Variants in USP32 observed in about 807,000 individuals in gnomAD.
The protein encoded by USP32 is ubiquitin specific peptidase 32.
Under a neutral mutation model 204.8 loss-of-function variants are expected in USP32, and 59 were observed. The ratio of observed to expected loss-of-function variants is 0.29; its 90% CI spans 0.23 to 0.36. The LOEUF is 0.36. Ranked by LOEUF, USP32 falls within the 10% of genes least tolerant of loss-of-function variation. The pLI is 1.00. For synonymous variants in USP32, 517 were observed against 678.4 expected, an observed-to-expected ratio of 0.76 and a Z score of 3.70; for missense variants, 1,160 against 1,946.4, an observed-to-expected ratio of 0.60 and a Z score of 7.60.
chr17:60,198,197 T>G, intron 27 of USP32, 63 bp downstream of exon 27: 1 of 1,572,600 alleles, frequency 6.4e-7, no homozygotes, highest in Non-Finnish European at 8.6e-7. Flanking sequence ...TCATGTAGAA[T>G]TCATATAGAT....
At chr17:60,292,831 A>G (rs1191020002) in intron 4 of USP32, among the ~76,000 whole-genome samples, 1 of 151,822 alleles carries the variant, frequency 6.6e-6, no homozygotes, top group Non-Finnish European at 1.5e-5. Context: ...AAAACCTTCC[A>G]GTGGTTTCTA....
chr17:60,285,071 T>C (rs1415274307), intron 5 of USP32, among the ~76,000 whole-genome samples: 1 of 152,170 alleles, frequency 6.6e-6, no homozygotes, highest in South Asian at 2.1e-4. Flanking sequence ...TTAACAAATA[T>C]CAGAATAATT....
chr17:60,192,715 G>A (rs1326582215), intron 28 of USP32, 129 bp downstream of exon 28: 14 of 1,195,692 alleles, frequency 1.2e-5, no homozygotes, highest in South Asian at 4.4e-5. Flanking sequence ...GTGAGCCACC[G>A]TGCCCAGCCA....
At chr17:60,284,290 T>G (rs1188429476) in intron 5 of USP32, among the ~76,000 whole-genome samples, 3 of 151,200 alleles carry the variant, frequency 2.0e-5, no homozygotes, top group Admixed American at 1.3e-4. Context: ...CTTGGCTCAC[T>G]GCAACCCCCG....
chr17:60,201,240 A>G (rs2145454601), intron 26 of USP32, among the ~76,000 whole-genome samples: 1 of 152,132 alleles, frequency 6.6e-6, no homozygotes, highest in South Asian at 2.1e-4. Context: ...AAATCCATTC[A>G]TTTTCATTCC....
chr17:60,377,937 T>C (rs2089578914), intron 1 of USP32, among the ~76,000 whole-genome samples: 1 of 152,170 alleles, frequency 6.6e-6, no homozygotes, highest in Non-Finnish European at 1.5e-5. Flanking sequence ...TTAAAAACTT[T>C]TGGGCATTAA....
intron 9 of USP32, among the ~76,000 whole-genome samples, chr17:60,263,558 A>C (rs2086509482): frequency 6.6e-6 from 1 of 152,268 alleles, no homozygotes; most frequent in Non-Finnish European, 1.5e-5. Context: ...TGTTCACAGA[A>C]GAGCCAGAAG....
rs375513472 is a variant in USP32, at chr17:60,185,709, T to C, written c.3643-58A>G. ...CGTGGGAAGGCATTTAAAGTGGTGATCTAGGTATGCATCAACCTCTTGGTC... is the reference window on the plus strand; with the variant it reads ...CGTGGGAAGGCATTTAAAGTGGTGACCTAGGTATGCATCAACCTCTTGGTC... On this transcript the variant is annotated intron_variant, in intron 29 of 33. Transcript: ENST00000300896. The C allele has an allele frequency of 2.4e-4, 372 of 1,560,438 alleles. 1 individual carries two copies. In the African/African-American group the frequency reaches 4.5e-3, roughly 19 times the overall value.
chr17:60,421,210 G>T (rs1198610161), intron 1 of USP32: 2 of 268,168 alleles, frequency 7.5e-6, no homozygotes, highest in Non-Finnish European at 1.1e-5. Flanking sequence ...CTTCCATCTT[G>T]GAGGCGGATA....
Position 60,181,319 on chromosome 17 carries a change from C to T in USP32, c.4548+5G>A. The T allele has an allele frequency of 1.2e-6, 2 of 1,604,898 alleles. No individual in the cohort carries two copies. Among genetic ancestry groups the T allele is most frequent in the South Asian group, 1.1e-5 (1 of 90,510 alleles). On this transcript the variant is annotated splice_donor_5th_base_variant and intron_variant, in intron 32 of 33. Coordinates refer to ENST00000300896, the MANE Select transcript of USP32 (RefSeq NM_032582.4). ...TCTCTGAAAACCATATAATAAACCA[C>T]TTACCGAAATTGCATATAGATTATA...
chr17:60,191,548 C>G (rs940247046), intron 28 of USP32, among the ~76,000 whole-genome samples: 3 of 150,944 alleles, frequency 2.0e-5, no homozygotes, highest in East Asian at 3.9e-4. Context: ...CTTGCTCTGT[C>G]GCCCAGGCTG....
chr17:60,346,906 C>T (rs533439609), intron 1 of USP32, among the ~76,000 whole-genome samples: 24 of 152,234 alleles, frequency 1.6e-4, no homozygotes, highest in South Asian at 6.2e-4. Flanking sequence ...GAGTAGCAAA[C>T]GATAAACCTA....
intron 1 of USP32, among the ~76,000 whole-genome samples, chr17:60,418,405 T>TG (rs1360590767): frequency 1.3e-5 from 2 of 150,180 alleles, no homozygotes; most frequent in Non-Finnish European, 2.9e-5. Context: ...TGTTTTTTTT[T>TG]TTTTTTTTTT....
At chr17:60,339,557 T>C (rs1598263837) in intron 2 of USP32, among the ~76,000 whole-genome samples, 1 of 139,006 alleles carries the variant, frequency 7.2e-6, no homozygotes, top group Admixed American at 7.6e-5. Flanking sequence ...CACTCCACCC[T>C]GGGCAACAAG....
intron 2 of USP32, among the ~76,000 whole-genome samples, chr17:60,310,624 G>A (rs955265383): frequency 5.3e-5 from 8 of 152,108 alleles, no homozygotes; most frequent in African/African-American, 9.7e-5. Flanking sequence ...ACTTGAACCC[G>A]GGAGGCGGAG....
chr17:60,337,764 C>T (rs1257945199), intron 2 of USP32, among the ~76,000 whole-genome samples: 1 of 151,940 alleles, frequency 6.6e-6, no homozygotes, highest in East Asian at 1.9e-4. Context: ...GCCTGTGTCC[C>T]ACCTACTTGG....
At chr17:60,237,391 C>T (rs1184755092) in intron 11 of USP32, among the ~76,000 whole-genome samples, 7 of 150,140 alleles carry the variant, frequency 4.7e-5, no homozygotes, top group African/African-American at 1.2e-4. Context: ...GTTGGGATTA[C>T]AGACATGAGC....
At chr17:60,384,649 G>T (rs908826200) in intron 1 of USP32, among the ~76,000 whole-genome samples, 12 of 151,964 alleles carry the variant, frequency 7.9e-5, no homozygotes, top group Non-Finnish European at 1.6e-4. Context: ...AAATTAGTCG[G>T]GCATGGTGGC....
chr17:60,184,724 C>G (rs555465104), intron 30 of USP32, among the ~76,000 whole-genome samples: 84 of 149,652 alleles, frequency 5.6e-4, no homozygotes, highest in African/African-American at 1.8e-3. Context: ...GCAAGAGAAT[C>G]ACTTGAGCCC....
Sources: gnomAD v4.1 joint callset for allele counts (sites outside exome capture counted in the v4.1 genomes callset) on GRCh38, gnomAD v4.1.1 for gene constraint, MANE v1.5 for transcripts, NCBI Gene and HGNC (gene_info 2026-07-23, HGNC 2026-07-21) for gene names.